TG: variants seen among roughly 807,000 people sequenced by gnomAD.
TG encodes the protein thyroglobulin.
In TG, 270 loss-of-function variants were observed where a neutral mutation model predicts 324.7. The ratio of observed to expected loss-of-function variants is 0.83; its 90% CI spans 0.75 to 0.92. The LOEUF (loss-of-function observed/expected upper bound fraction) is 0.92, where lower values mean the gene tolerates loss of function less well. Ranked by LOEUF, TG falls within the 40% of genes least tolerant of loss-of-function variation. The pLI is 0.00. For synonymous variants in TG, 1,401 were observed against 1,327.0 expected, an observed-to-expected ratio of 1.06 and a Z score of -1.21; for missense variants, 3,591 against 3,456.4, an observed-to-expected ratio of 1.04 and a Z score of -0.98.
At chr8:132,909,996 C>T (rs571553798) in intron 18 of TG, among the ~76,000 whole-genome samples, 5 of 152,182 alleles carry the variant, frequency 3.3e-5, no homozygotes, top group Admixed American at 3.3e-4. Context: ...ATGTTTAAAG[C>T]ACTTCACACA....
At chr8:132,894,242 T>C (rs1044537291) in intron 11 of TG, among the ~76,000 whole-genome samples, 3 of 152,116 alleles carry the variant, frequency 2.0e-5, no homozygotes, top group Non-Finnish European at 4.4e-5. Flanking sequence ...CAAACACCCC[T>C]TACGGCCTGC....
At chr8:132,934,941 C>T (rs950581973) in intron 24 of TG, among the ~76,000 whole-genome samples, 2 of 152,116 alleles carry the variant, frequency 1.3e-5, no homozygotes, top group Non-Finnish European at 2.9e-5. Flanking sequence ...TGGATAGAAA[C>T]TAAGTGCCTG....
At chr8:132,987,621 T>C (rs1305983605) in intron 35 of TG, among the ~76,000 whole-genome samples, 1 of 152,106 alleles carries the variant, frequency 6.6e-6, no homozygotes, top group Non-Finnish European at 1.5e-5. Flanking sequence ...GGTTACTTGG[T>C]TGAGTTTCTG....
chr8:132,896,174 G>A (rs1817070974), intron 11 of TG, among the ~76,000 whole-genome samples: 1 of 152,252 alleles, frequency 6.6e-6, no homozygotes, highest in African/African-American at 2.4e-5. Flanking sequence ...TGTCTTGTTA[G>A]GTGAGTGTTA....
chr8:133,010,436 G>A (rs1834405156), intron 35 of TG, among the ~76,000 whole-genome samples: 1 of 152,164 alleles, frequency 6.6e-6, no homozygotes, highest in South Asian at 2.1e-4. Context: ...GGTCTTCTGG[G>A]AAAAGAAGCA....
At chr8:133,080,869 C>A (rs1845637822) in intron 41 of TG, among the ~76,000 whole-genome samples, 1 of 152,212 alleles carries the variant, frequency 6.6e-6, no homozygotes, top group Non-Finnish European at 1.5e-5. Context: ...GTGCTAACAT[C>A]TAGGAAGATG....
Position 132,893,858 on chromosome 8 carries a change from C to T in TG, c.2930C>T (p.Pro977Leu), listed in dbSNP as rs867392494. The T allele has an allele frequency of 9.9e-6, 16 of 1,614,030 alleles. No homozygotes were observed. The highest frequency in any genetic ancestry group is 6.7e-5 in the African/African-American group (5 of 75,004). The part of the protein sequence containing the change: ...NEDLGLPPLF[P>L]PREAFAEQFL... Reference sequence around the variant, plus strand: ...GACCTCGGCCTTCCTCCGCTCTTCCCGCCCCGGGAGGCTTTCGCGGAGCAG... The same window carrying T: ...GACCTCGGCCTTCCTCCGCTCTTCCTGCCCCGGGAGGCTTTCGCGGAGCAG... The change falls in exon 11 of 48, where the codon CCG (proline) becomes CTG (leucine). Residue 977 changes from proline (P) to leucine (L), a missense_variant. By Grantham distance (98) the Pro-to-Leu change is moderately conservative (BLOSUM62 -3). Transcript: ENST00000220616.
intron 39 of TG, among the ~76,000 whole-genome samples, chr8:133,020,031 T>G (rs1835416787): frequency 6.6e-6 from 1 of 152,216 alleles, no homozygotes; most frequent in East Asian, 1.9e-4. Context: ...ATAGATAGAT[T>G]GATAAATCGA....
At chr8:133,087,122 A>G (rs974119047) in intron 41 of TG, among the ~76,000 whole-genome samples, 4 of 134,720 alleles carry the variant, frequency 3.0e-5, no homozygotes, top group Non-Finnish European at 6.4e-5. Flanking sequence ...ACACACACAC[A>G]CGGAAGAGAC....
At chr8:132,929,747 G>C (rs1225046453) in intron 23 of TG, among the ~76,000 whole-genome samples, 1 of 152,068 alleles carries the variant, frequency 6.6e-6, no homozygotes, top group Non-Finnish European at 1.5e-5. Flanking sequence ...TTTTATCTTT[G>C]GGGTGCACGA....
chr8:132,984,932 C>T (rs1831332784), intron 35 of TG, among the ~76,000 whole-genome samples: 1 of 89,610 alleles, frequency 1.1e-5, no homozygotes, highest in Non-Finnish European at 2.3e-5. Flanking sequence ...CAGCCTCCAT[C>T]TCAAAAAAAA....
chr8:132,968,706 T>C (rs187808747), intron 31 of TG, among the ~76,000 whole-genome samples: 2 of 152,352 alleles, frequency 1.3e-5, no homozygotes, highest in East Asian at 1.9e-4. Flanking sequence ...GATAATCCTG[T>C]TGGGTTGCCC....
Position 132,869,719 on chromosome 8 carries a change from T to A in TG, c.177-10T>A. The A allele has an allele frequency of 6.2e-7, 1 of 1,613,906 alleles. No homozygotes were observed. Among genetic ancestry groups the A allele is most frequent in the Non-Finnish European group, 8.5e-7 (1 of 1,179,792 alleles). ...ATCCCAGGGTCACCTGGTCTGTGTC[T>A]CCTCCTCAGGACTGTCCAGTGCCAG... is the stretch of plus-strand genomic sequence containing the variant. On this transcript the variant is annotated splice_polypyrimidine_tract_variant and intron_variant, in intron 2 of 47. Coordinates refer to ENST00000220616, the MANE Select transcript of TG (RefSeq NM_003235.5).
At chr8:132,882,075 C>G in intron 6 of TG, 106 bp downstream of exon 6, 2 of 807,530 alleles carry the variant, frequency 2.5e-6, no homozygotes, top group East Asian at 2.6e-5. Context: ...ACTGCCTGCC[C>G]CCTGCCAGGC....
intron 24 of TG, 145 bp downstream of exon 24, chr8:132,933,821 G>GGA: frequency 1.3e-6 from 1 of 771,228 alleles, no homozygotes; most frequent in Non-Finnish European, 2.3e-6. Context: ...TCAAAGCAAT[G>GGA]GGACTTTGGC....
At chr8:133,038,479 G>T in intron 41 of TG, 1 of 1,447,516 alleles carries the variant, frequency 6.9e-7, no homozygotes, top group South Asian at 1.1e-5. Context: ...GCAATAGTTG[G>T]AACTTCTGTT....
intron 45 of TG, among the ~76,000 whole-genome samples, chr8:133,118,755 C>T (rs935376154): frequency 2.0e-5 from 3 of 152,084 alleles, no homozygotes; most frequent in African/African-American, 7.2e-5. Context: ...AGTAAAATAC[C>T]TTAGCTGAAT....
In TG at chr8:132,991,129, C is replaced by T. The variant is rs115887849; in HGVS notation, c.6262+7717C>T. 6.5e-3 allele frequency among the ~76,000 whole-genome samples: 990 copies of T among 151,752 alleles called. 9 individuals are homozygous for T. Among genetic ancestry groups the T allele is most frequent in the African/African-American group, 0.023 (946 of 41,360 alleles). Reference sequence around the variant, plus strand: ...ACTCATTACCATGAGCTGCCCTGAGCAGGGCATGACCTTCAGCCGAGGCAG... The same window carrying T: ...ACTCATTACCATGAGCTGCCCTGAGTAGGGCATGACCTTCAGCCGAGGCAG... On this transcript the variant is annotated intron_variant, in intron 35 of 47. Coordinates refer to ENST00000220616, the MANE Select transcript of TG (RefSeq NM_003235.5).
intron 43 of TG, among the ~76,000 whole-genome samples, chr8:133,110,397 AC>A (rs1319008162): frequency 6.6e-6 from 1 of 152,232 alleles, no homozygotes; most frequent in East Asian, 1.9e-4. Context: ...TGAGACAGCC[AC>A]TGGAACGAAC....
Sources: gnomAD v4.1 joint callset for allele counts (sites outside exome capture counted in the v4.1 genomes callset) on GRCh38, gnomAD v4.1.1 for gene constraint, MANE v1.5 for transcripts, NCBI Gene and HGNC (gene_info 2026-07-23, HGNC 2026-07-21) for gene names.